SWAP70: variants seen among roughly 807,000 people sequenced by gnomAD.
SWAP70 encodes the protein switching B cell complex subunit SWAP70.
SWAP70 carries 34 observed loss-of-function variants against 80.2 expected under a neutral mutation model. The observed-to-expected ratio is 0.42, with a 90% CI of 0.32 to 0.56. SWAP70 has a LOEUF of 0.56. SWAP70 is among the 20% of genes least tolerant of loss of function. The probability of loss-of-function intolerance (pLI) is 0.09; values close to 1 mark genes in which losing one functional copy is unlikely to be tolerated. For synonymous variants in SWAP70, 239 were observed against 238.5 expected (o/e 1.00, Z -0.02); for missense variants, 578 against 690.7 (o/e 0.84, Z 1.83).
At chr11:9,695,775 A>G (rs185389193) in intron 2 of SWAP70, among the ~76,000 whole-genome samples, 1 of 152,030 alleles carries the variant, frequency 6.6e-6, no homozygotes, top group African/African-American at 2.4e-5. Flanking sequence ...AGAAGAAAAA[A>G]AAATCTGGTT....
At chr11:9,669,439 A>G (rs1850347361) in intron 1 of SWAP70, among the ~76,000 whole-genome samples, 1 of 152,220 alleles carries the variant, frequency 6.6e-6, no homozygotes, top group South Asian at 2.1e-4. Context: ...CATGTTGGCC[A>G]GGCTGGTCTC....
At chr11:9,700,475 GA>G (rs1372239242) in intron 2 of SWAP70, among the ~76,000 whole-genome samples, 2 of 152,178 alleles carry the variant, frequency 1.3e-5, no homozygotes, top group Non-Finnish European at 2.9e-5. Flanking sequence ...GCTATGTAGA[GA>G]AAATATGAAA....
In SWAP70 at chr11:9,674,963, C is replaced by T. The variant is rs534945935; in HGVS notation, c.99+10685C>T. On this transcript the variant is annotated intron_variant, in intron 1 of 11. Transcript: ENST00000318950. The stretch of plus-strand genomic sequence containing the variant: ...CAGCCTGGGCGACAGAGCGAGACTC[C>T]GTCTCAAAAAAAAAAAAAAAATTTT... Among the ~76,000 whole-genome samples, 440 of 141,960 alleles carry T rather than the reference C, an allele frequency of 3.1e-3. 2 individuals carry two copies. Among genetic ancestry groups the T allele is most frequent in the African/African-American group, 0.011 (411 of 38,076 alleles). The allele number at this position is 141,960 out of a possible 152,430, so 93.1% of individuals were successfully genotyped here. A position where few individuals can be genotyped will look rare whatever the true frequency, so the allele number is the denominator to read the frequency against.
At chr11:9,703,077 G>A (rs947501884) in intron 2 of SWAP70, among the ~76,000 whole-genome samples, 6 of 151,970 alleles carry the variant, frequency 3.9e-5, no homozygotes, top group African/African-American at 7.3e-5. Context: ...TACCCATTTA[G>A]CAATCACTCC....
At chr11:9,711,497 A>C (rs1246853194) in intron 2 of SWAP70, among the ~76,000 whole-genome samples, 1 of 152,028 alleles carries the variant, frequency 6.6e-6, no homozygotes, top group Non-Finnish European at 1.5e-5. Context: ...CCTGTCTCAC[A>C]CCTCAAAATC....
chr11:9,690,437 G>C (rs938071676), intron 1 of SWAP70, among the ~76,000 whole-genome samples: 11 of 152,082 alleles, frequency 7.2e-5, no homozygotes, highest in African/African-American at 1.9e-4. Flanking sequence ...AATTAGCTGG[G>C]TGTGGTGGCA....
intron 2 of SWAP70, among the ~76,000 whole-genome samples, chr11:9,698,695 G>A (rs1289492819): frequency 6.6e-6 from 1 of 152,196 alleles, no homozygotes; most frequent in Non-Finnish European, 1.5e-5. Flanking sequence ...GTGAGCCATT[G>A]TGCCCAACCT....
intron 1 of SWAP70, among the ~76,000 whole-genome samples, chr11:9,687,667 G>A (rs1032005182): frequency 2.0e-5 from 3 of 152,168 alleles, no homozygotes; most frequent in African/African-American, 7.2e-5. Context: ...CATATATTCT[G>A]TGGACAGCAT....
chr11:9,707,568 T>TTTTTTTTTTTTTTTTTTC, intron 2 of SWAP70, among the ~76,000 whole-genome samples: 1 of 150,010 alleles, frequency 6.7e-6, no homozygotes. Flanking sequence ...TTTTTTTTTT[T>TTTTTTTTTTTTTTTTTTC]TTTTTGAGAC....
intron 2 of SWAP70, among the ~76,000 whole-genome samples, chr11:9,710,891 C>T (rs886221571): frequency 7.2e-5 from 11 of 151,730 alleles, no homozygotes; most frequent in Admixed American, 7.2e-4. Context: ...TCTCTGTTGC[C>T]CAGGCTGGTC....
intron 2 of SWAP70, among the ~76,000 whole-genome samples, chr11:9,711,497 A>G (rs1246853194): frequency 3.3e-5 from 5 of 152,028 alleles, no homozygotes; most frequent in Non-Finnish European, 7.4e-5. Context: ...CCTGTCTCAC[A>G]CCTCAAAATC....
intron 3 of SWAP70, among the ~76,000 whole-genome samples, chr11:9,716,678 G>T (rs1248113728): frequency 6.6e-6 from 1 of 152,174 alleles, no homozygotes; most frequent in African/African-American, 2.4e-5. Context: ...ACAAATCTGG[G>T]ACATATTGCA....
intron 2 of SWAP70, among the ~76,000 whole-genome samples, chr11:9,708,941 A>G (rs1176410979): frequency 6.6e-6 from 1 of 152,134 alleles, no homozygotes; most frequent in Non-Finnish European, 1.5e-5. Flanking sequence ...TGTCACCCAG[A>G]CTAGAGTGTG....
intron 3 of SWAP70, among the ~76,000 whole-genome samples, chr11:9,716,291 C>T (rs12421878): frequency 0.22 from 32,704 of 151,924 alleles, 4,699 homozygotes; most frequent in Non-Finnish European, 0.31. Context: ...TAAAATACAG[C>T]GAGAATGGAA....
At chr11:9,673,848 C>CAGAGAG (rs147969829) in intron 1 of SWAP70, among the ~76,000 whole-genome samples, 7 of 150,134 alleles carry the variant, frequency 4.7e-5, no homozygotes, top group Non-Finnish European at 8.9e-5. Flanking sequence ...GGCAGAAGGT[C>CAGAGAG]AGAGAGAGAG....
chr11:9,711,148 C>G (rs56740345), intron 2 of SWAP70, among the ~76,000 whole-genome samples: 2,220 of 152,076 alleles, frequency 0.015, 53 homozygotes, highest in African/African-American at 0.05. Flanking sequence ...TCTCAAACTT[C>G]TAGCCTTAAG....
At chr11:9,664,449 C>T (rs1243201045) in intron 1 of SWAP70, among the ~76,000 whole-genome samples, 171 bp downstream of exon 1, 2 of 152,354 alleles carry the variant, frequency 1.3e-5, no homozygotes, top group South Asian at 2.1e-4. Flanking sequence ...TTGGTGTTTA[C>T]TGCCTCCCCC....
At chr11:9,678,650 T>G (rs573201429) in intron 1 of SWAP70, among the ~76,000 whole-genome samples, 3 of 151,644 alleles carry the variant, frequency 2.0e-5, no homozygotes, top group African/African-American at 7.3e-5. Flanking sequence ...TTGTATTTCC[T>G]TTGGGGTCTC....
chr11:9,740,825 A>T (rs866222013), intron 9 of SWAP70: 2 of 161,154 alleles, frequency 1.2e-5, no homozygotes, highest in Non-Finnish European at 2.7e-5. Context: ...AGTAATTACT[A>T]CTTGAAATCC....
Sources: gnomAD v4.1 joint callset for allele counts (sites outside exome capture counted in the v4.1 genomes callset) on GRCh38, gnomAD v4.1.1 for gene constraint, MANE v1.5 for transcripts, NCBI Gene and HGNC (gene_info 2026-07-23, HGNC 2026-07-21) for gene names.